Variants in GIPR observed in about 807,000 individuals in gnomAD.
GIPR encodes the protein GIP-R.
In GIPR, 74 loss-of-function variants were observed where a neutral mutation model predicts 62.2. The ratio of observed to expected loss-of-function variants is 1.19; its 90% confidence interval spans 0.99 to 1.44. The LOEUF (loss-of-function observed/expected upper bound fraction) is 1.44. Among genes scored for constraint, GIPR ranks in the 40% most tolerant of loss-of-function variants. The probability of loss-of-function intolerance (pLI) is 0.00; values close to 1 mark genes in which losing one functional copy is unlikely to be tolerated. For synonymous variants in GIPR, 256 were observed against 262.2 expected, an observed-to-expected ratio of 0.98 and a Z score of 0.23; for missense variants, 664 against 611.8, an observed-to-expected ratio of 1.09 and a Z score of -0.90.
rs35162445 is a variant in GIPR, at chr19:45,675,574, C to CAAA, written c.633+767_633+769dup. Among the ~76,000 whole-genome samples, 337 of 48,330 alleles carry CAAA rather than the reference C, an allele frequency of 7.0e-3. 14 individuals are homozygous for CAAA. Among genetic ancestry groups the CAAA allele is most frequent in the East Asian group, 0.014 (19 of 1,372 alleles). 31.7% of individuals were successfully genotyped at this position (48,330 alleles called of 152,430 possible). A position where few individuals can be genotyped will look rare whatever the true frequency, so the allele number is the denominator to read the frequency against. ...TGGGTGACAGAGCAAGACTCCATCGCAAAAAAAAAAAAAAAAAAAAAGCCA... is the reference window on the plus strand; with the variant it reads ...TGGGTGACAGAGCAAGACTCCATCGCAAAAAAAAAAAAAAAAAAAAAAAAGCCA... On this transcript the variant is annotated intron_variant, in intron 7 of 13. Transcript: ENST00000590918.
At chr19:45,675,066 T>G (rs1975766300) in intron 7 of GIPR, 1 of 537,608 alleles carries the variant, frequency 1.9e-6, no homozygotes, top group South Asian at 2.1e-5. Flanking sequence ...AATTTTCCGT[T>G]CCTCTCCCTC....
At chr19:45,676,152 G>A (rs1003079576) in intron 7 of GIPR, among the ~76,000 whole-genome samples, 6 of 150,046 alleles carry the variant, frequency 4.0e-5, no homozygotes, top group South Asian at 2.1e-4. Context: ...GCAGTGAGCC[G>A]AGATCGTGCC....
intron 7 of GIPR, among the ~76,000 whole-genome samples, chr19:45,675,917 T>C (rs527893453): frequency 1.5e-4 from 21 of 144,786 alleles, no homozygotes; most frequent in African/African-American, 5.2e-4. Flanking sequence ...TAAAATAAAA[T>C]AAGAGGGGCC....
intron 6 of GIPR, 115 bp downstream of exon 6, chr19:45,674,292 G>A (rs1481896900): frequency 2.6e-6 from 2 of 779,970 alleles, no homozygotes; most frequent in Non-Finnish European, 4.6e-6. Flanking sequence ...TGGTTCTATG[G>A]GGAGCAGTGG....
chr19:45,677,221 C>A, intron 8 of GIPR, 102 bp from the exon 9 acceptor site: 1 of 1,381,930 alleles, frequency 7.2e-7, no homozygotes. Context: ...TTCTGCCTTC[C>A]CCACCCCGAC....
chr19:45,674,672 AT>A lies in GIPR; in HGVS notation c.489-8del. 1.9e-6 allele frequency: 3 copies of A among 1,613,540 alleles called. No homozygotes were observed. The highest frequency in any genetic ancestry group is 4.5e-5 in the East Asian group (2 of 44,862). On this transcript the variant is annotated splice_polypyrimidine_tract_variant and intron_variant, in intron 6 of 13. Transcript: ENST00000590918. ...CAGGGGCCCCCACACTGCCTTCCAA[AT>A]TCCCCTAGGCGGCTACATTGCACTA... is the stretch of plus-strand genomic sequence containing the variant.
intron 2 of GIPR, among the ~76,000 whole-genome samples, chr19:45,669,985 A>G (rs1436463163): frequency 6.6e-6 from 1 of 150,542 alleles, no homozygotes; most frequent in African/African-American, 2.4e-5. Context: ...GCGCAAAGAG[A>G]GTTTCAAGAC....
Position 45,682,065 on chromosome 19 carries a change from T to A in GIPR, c.*130T>A, listed in dbSNP as rs1195820223. ...AAAAAGGTCCCTGCCCTTCTGGAGA[T>A]GACAACTGAGTGGGGAAAACAGACC... On this transcript the variant is annotated 3_prime_UTR_variant, in exon 14 of 14. Transcript: ENST00000590918. 3 of 766,206 alleles carry A rather than the reference T, an allele frequency of 3.9e-6. No homozygotes were observed. The East Asian group carries it at 8.3e-5, about 21-fold the overall frequency. The allele number at this position is 766,206 out of a possible 1,614,324, so 47.5% of individuals were successfully genotyped here.
chr19:45,673,016 A>G (rs943573307), intron 5 of GIPR, 62 bp downstream of exon 5: 10 of 989,168 alleles, frequency 1.0e-5, no homozygotes, highest in Middle Eastern at 4.2e-4. Context: ...CAGTAGATTC[A>G]GGCAGGGCCT....
chr19:45,677,108 G>C lies in GIPR; in HGVS notation c.793G>C (p.Gly265Arg). Residue 265 changes from glycine (G) to arginine (R), a missense_variant and splice_region_variant, in exon 8 of 14, where the codon GGG becomes CGG. By Grantham distance (125) the Gly-to-Arg change is moderately radical (BLOSUM62 -2). Coordinates refer to ENST00000590918, the MANE Select transcript of GIPR (RefSeq NM_000164.4). ...CCGCTACTACCTGCTCCTCGGCTGG[G>C]GTGAGCTCCGATCCCGTCCCCCGCC... ...HFRYYLLLGW[G>R]APALFVIPWV... 6.2e-7 allele frequency: 1 copy of C among 1,613,158 alleles called. No homozygotes were observed. The highest frequency in any genetic ancestry group is 8.5e-7 in the Non-Finnish European group (1 of 1,179,920).
chr19:45,674,875 T>C (rs751061113), intron 7 of GIPR, 49 bp downstream of exon 7: 2 of 1,575,266 alleles, frequency 1.3e-6, no homozygotes, highest in East Asian at 4.5e-5. Context: ...GCTTCTCTGG[T>C]GGGACCAGGA....
At chr19:45,676,267 G>A (rs989916671) in intron 7 of GIPR, among the ~76,000 whole-genome samples, 26 of 151,898 alleles carry the variant, frequency 1.7e-4, no homozygotes, top group African/African-American at 6.3e-4. Context: ...GTACTGGCAG[G>A]GAGTTCAGTT....
At chr19:45,681,554 T>C (rs1160331827) in intron 12 of GIPR, 50 bp from the exon 13 acceptor site, 2 of 1,546,986 alleles carry the variant, frequency 1.3e-6, no homozygotes, top group Non-Finnish European at 1.8e-6. Flanking sequence ...CGGAGGCGGT[T>C]ACAGTCCTGC....
intron 12 of GIPR, among the ~76,000 whole-genome samples, chr19:45,678,555 G>T (rs1967077082): frequency 6.6e-6 from 1 of 152,008 alleles, no homozygotes; most frequent in Admixed American, 6.6e-5. Flanking sequence ...TAGAGGCGGG[G>T]TTTCACCATG....
At chr19:45,681,708 C>G in intron 13 of GIPR, 21 bp from the exon 14 acceptor site, 1 of 1,611,116 alleles carries the variant, frequency 6.2e-7, no homozygotes, top group African/African-American at 1.3e-5. Context: ...GGCGCCGCCT[C>G]TGAGCGCCAT....
rs572702775 is a variant in GIPR, at chr19:45,679,483, G to GAAA, written c.1152+1272_1152+1274dup. Among the ~76,000 whole-genome samples, 190 of 103,224 alleles carry GAAA rather than the reference G, an allele frequency of 1.8e-3. 1 individual carries two copies. Among genetic ancestry groups the GAAA allele is most frequent in the Admixed American group, 4.8e-3 (48 of 9,950 alleles). The allele number at this position is 103,224 out of a possible 152,430, so 67.7% of individuals were successfully genotyped here. On this transcript the variant is annotated intron_variant, in intron 12 of 13. Coordinates refer to ENST00000590918, the MANE Select transcript of GIPR (RefSeq NM_000164.4). ...GCCACAGAGGGAGATCATGTCTCAA[G>GAAA]AAAAAAAAAAAAAAAAAGGAAAGCA...
intron 7 of GIPR, among the ~76,000 whole-genome samples, chr19:45,675,892 A>G (rs887668915): frequency 6.6e-6 from 1 of 151,726 alleles, no homozygotes; most frequent in Non-Finnish European, 1.5e-5. Context: ...CCTGTTTCAA[A>G]AAAATAAAAT....
chr19:45,671,345 C>A lies in GIPR; in HGVS notation c.233C>A (p.Ala78Asp). 6.2e-7 allele frequency: 1 copy of A among 1,612,680 alleles called. No homozygotes were observed. Among genetic ancestry groups the A allele is most frequent in the Non-Finnish European group, 8.5e-7 (1 of 1,179,768 alleles). ...TGCTGGGACTATGCTGCACCCAATG[C>A]CACTGCCCGTGCGTCCTGCCCCTGG... ...YVCWDYAAPNATARASCPWYL... is the reference protein window; with the variant it reads ...YVCWDYAAPNDTARASCPWYL... Residue 78 changes from alanine (A) to aspartate (D), a missense_variant, in exon 4 of 14, where the codon GCC becomes GAC. Transcript: ENST00000590918.
At chr19:45,674,029 G>A (rs1439151978) in intron 5 of GIPR, 45 bp from the exon 6 acceptor site, 1 of 1,115,690 alleles carries the variant, frequency 9.0e-7, no homozygotes, top group Non-Finnish European at 1.4e-6. Flanking sequence ...TGGGCCTGGG[G>A]CTTCGAGCCA....
Sources: gnomAD v4.1 joint callset for allele counts (sites outside exome capture counted in the v4.1 genomes callset) on GRCh38, gnomAD v4.1.1 for gene constraint, MANE v1.5 for transcripts, NCBI Gene and HGNC (gene_info 2026-07-23, HGNC 2026-07-21) for gene names.